MRAP: variants seen among roughly 807,000 people sequenced by gnomAD.
MRAP encodes the protein melanocortin-2 receptor accessory protein.
Under a neutral mutation model 8.7 loss-of-function variants are expected in MRAP, and 8 were observed. The ratio of observed to expected loss-of-function variants is 0.92; its 90% CI spans 0.54 to 1.66. MRAP has a LOEUF of 1.66. Ranked by LOEUF, MRAP falls within the 40% of genes most tolerant of loss-of-function variation. MRAP has a pLI of 0.00. For missense variants in MRAP, 237 were observed against 217.1 expected, an observed-to-expected ratio of 1.09 and a Z score of -0.58; for synonymous variants, 95 against 95.5, an observed-to-expected ratio of 1.00 and a Z score of 0.03.
intron 2 of MRAP, among the ~76,000 whole-genome samples, chr21:32,309,699 T>A (rs1315977279): frequency 2.0e-5 from 3 of 149,778 alleles, no homozygotes; most frequent in African/African-American, 4.9e-5. Flanking sequence ...TCCTAGCACT[T>A]TGAGAGGCCG....
At chr21:32,307,175 C>T (rs1436990877) in intron 2 of MRAP, among the ~76,000 whole-genome samples, 1 of 152,010 alleles carries the variant, frequency 6.6e-6, no homozygotes, top group Non-Finnish European at 1.5e-5. Context: ...GTAGGCAAAT[C>T]AAATTCTGTA....
intron 1 of MRAP, among the ~76,000 whole-genome samples, chr21:32,303,780 C>T (rs1223141128): frequency 6.6e-6 from 1 of 152,192 alleles, no homozygotes; most frequent in Non-Finnish European, 1.5e-5. Context: ...ATGTTCTCTC[C>T]AAGCACTTGG....
At chr21:32,305,642 A>T (rs1283846088) in intron 1 of MRAP, among the ~76,000 whole-genome samples, 1 of 152,166 alleles carries the variant, frequency 6.6e-6, no homozygotes, top group African/African-American at 2.4e-5. Flanking sequence ...AAAGGCGCTC[A>T]ATGAATTCTC....
chr21:32,305,255 T>G (rs2032387451), intron 1 of MRAP, among the ~76,000 whole-genome samples: 1 of 152,188 alleles, frequency 6.6e-6, no homozygotes, highest in Non-Finnish European at 1.5e-5. Context: ...ATTATAGGCA[T>G]GGGCCACTGT....
At chr21:32,310,558 T>C (rs554005895) in intron 2 of MRAP, among the ~76,000 whole-genome samples, 1 of 152,272 alleles carries the variant, frequency 6.6e-6, no homozygotes, top group East Asian at 1.9e-4. Context: ...AGCTGGGAAG[T>C]GGTGGCCAGA....
chr21:32,299,508 G>A (rs548023214), intron 1 of MRAP, among the ~76,000 whole-genome samples: 1 of 151,956 alleles, frequency 6.6e-6, no homozygotes, highest in Non-Finnish European at 1.5e-5. Flanking sequence ...TTAATTTTGT[G>A]TATTTTTTTA....
At chr21:32,306,135 T>C (rs1388736329) in intron 1 of MRAP, among the ~76,000 whole-genome samples, 2 of 152,132 alleles carry the variant, frequency 1.3e-5, no homozygotes, top group Admixed American at 6.5e-5. Flanking sequence ...AGAAAGGGCC[T>C]CCCCACCGGA....
rs1569026432 is a variant in MRAP, at chr21:32,300,701, C to CGTCATTCGTCCTATGTCAGATGT, written c.106+1629_106+1630insTCGTCCTATGTCAGATGTGTCAT. ...TGTGTCACGCGTCCTATGTCAGGGG[C>CGTCATTCGTCCTATGTCAGATGT]GTCATGCGTCCTATGTCGGGGCGTC... is the stretch of plus-strand genomic sequence containing the variant. On this transcript the variant is annotated intron_variant, in intron 1 of 2. Transcript: ENST00000303645. 5.5e-3 allele frequency among the ~76,000 whole-genome samples: 85 copies of CGTCATTCGTCCTATGTCAGATGT among 15,384 alleles called. 1 individual carries two copies. Among genetic ancestry groups the CGTCATTCGTCCTATGTCAGATGT allele is most frequent in the Middle Eastern group, 0.038 (1 of 26 alleles). 10.1% of individuals were successfully genotyped at this position (15,384 alleles called of 152,430 possible).
upstream of MRAP, among the ~76,000 whole-genome samples, chr21:32,298,579 A>T (rs1479098962): frequency 1.3e-5 from 2 of 152,156 alleles, no homozygotes; most frequent in Non-Finnish European, 2.9e-5. Flanking sequence ...AGTATTTAAG[A>T]CAAAAAGCGA....
At chr21:32,299,155 C>A in intron 1 of MRAP, 78 bp downstream of exon 1, 2 of 1,072,964 alleles carry the variant, frequency 1.9e-6, no homozygotes, top group South Asian at 1.3e-5. Context: ...CCGGCTTTCT[C>A]TGCATTCACT....
chr21:32,300,130 T>C (rs1486615050), intron 1 of MRAP, among the ~76,000 whole-genome samples: 1 of 152,148 alleles, frequency 6.6e-6, no homozygotes, highest in Non-Finnish European at 1.5e-5. Context: ...CTGGGTGCAA[T>C]TGCTCACGCC....
At chr21:32,314,519 TA>T (rs775646260), downstream of MRAP, 3 of 1,590,290 alleles carry the variant, frequency 1.9e-6, no homozygotes, top group Non-Finnish European at 1.7e-6. Context: ...TTCGTTTTCA[TA>T]AAAAAAATCT....
intron 2 of MRAP, 157 bp from the exon 3 acceptor site, chr21:32,311,527 T>G: frequency 9.4e-7 from 1 of 1,067,482 alleles, no homozygotes; most frequent in Non-Finnish European, 1.3e-6. Context: ...AATGGCCACC[T>G]TTGTGAGCTG....
At chr21:32,295,404 G>A (rs537338468), upstream of MRAP, among the ~76,000 whole-genome samples, 12 of 152,184 alleles carry the variant, frequency 7.9e-5, no homozygotes, top group South Asian at 1.0e-3. Flanking sequence ...GAGCCCACTC[G>A]CCCAACTCCT....
chr21:32,298,030 A>C (rs893535436), upstream of MRAP, among the ~76,000 whole-genome samples: 5 of 152,196 alleles, frequency 3.3e-5, no homozygotes, highest in African/African-American at 1.2e-4. Context: ...AGGCCATGTA[A>C]GCCGTGTGTT....
downstream of MRAP, chr21:32,313,045 AGAAGGT>A (rs2032617254): frequency 1.3e-5 from 2 of 152,286 alleles, no homozygotes; most frequent in East Asian, 3.9e-4. Flanking sequence ...GATGCAGAAA[AGAAGGT>A]GAGGTGCTGA....
At chr21:32,292,799 C>A (rs1309765291) in intron 1 of MRAP, among the ~76,000 whole-genome samples, 2 of 151,660 alleles carry the variant, frequency 1.3e-5, no homozygotes, top group Non-Finnish European at 2.9e-5. Context: ...CATGCCCAGC[C>A]ATTAAAATGT....
At chr21:32,292,657 A>G (rs1419685360) in intron 1 of MRAP, among the ~76,000 whole-genome samples, 1 of 151,898 alleles carries the variant, frequency 6.6e-6, no homozygotes, top group Admixed American at 6.6e-5. Context: ...GGGTTTCACC[A>G]TGTTGGCCAG....
At chr21:32,295,542 C>T (rs1302679033), upstream of MRAP, among the ~76,000 whole-genome samples, 1 of 152,200 alleles carries the variant, frequency 6.6e-6, no homozygotes, top group African/African-American at 2.4e-5. Flanking sequence ...CTAACCATCA[C>T]TTGATGTTTG....
Sources: gnomAD v4.1 joint callset for allele counts (sites outside exome capture counted in the v4.1 genomes callset) on GRCh38, gnomAD v4.1.1 for gene constraint, MANE v1.5 for transcripts, NCBI Gene and HGNC (gene_info 2026-07-23, HGNC 2026-07-21) for gene names.